ASXL2: variants seen among roughly 807,000 people sequenced by gnomAD.
The protein encoded by ASXL2 is ASXL transcriptional regulator 2.
In ASXL2, 23 loss-of-function variants were observed where a neutral mutation model predicts 122.0. The ratio of observed to expected loss-of-function variants is 0.19; its 90% CI spans 0.14 to 0.27. The LOEUF is 0.27. Among genes scored for constraint, ASXL2 ranks in the 10% least tolerant of loss-of-function variants. The pLI, the probability that ASXL2 is intolerant of heterozygous loss-of-function variation, is 1.00. For synonymous variants in ASXL2, 650 were observed against 637.0 expected (o/e 1.02, Z -0.31); for missense variants, 1,518 against 1,713.8 (o/e 0.89, Z 2.02).
At chr2:25,862,452 G>A (rs757499678) in intron 1 of ASXL2, among the ~76,000 whole-genome samples, 43 of 151,942 alleles carry the variant, frequency 2.8e-4, no homozygotes, top group African/African-American at 8.7e-4. Flanking sequence ...TACATTAGAC[G>A]GCCAAGATCT....
chr2:25,757,921 C>CAA (rs10524530), intron 9 of ASXL2, among the ~76,000 whole-genome samples: 3 of 127,352 alleles, frequency 2.4e-5, no homozygotes, highest in Non-Finnish European at 1.7e-5. Flanking sequence ...GAGTCTTTAA[C>CAA]AAAAAAAAAA....
intron 4 of ASXL2, among the ~76,000 whole-genome samples, chr2:25,802,542 A>G (rs1001113177): frequency 5.3e-5 from 8 of 152,124 alleles, no homozygotes; most frequent in African/African-American, 1.9e-4. Context: ...AGACCTCTGC[A>G]ATTTCCTGAG....
At chr2:25,848,776 T>G (rs1415226569) in intron 1 of ASXL2, among the ~76,000 whole-genome samples, 5 of 151,966 alleles carry the variant, frequency 3.3e-5, no homozygotes, top group African/African-American at 1.2e-4. Context: ...CCGGGCACCG[T>G]GACTCAGGCC....
At chr2:25,807,541 A>G (rs895767259) in intron 3 of ASXL2, among the ~76,000 whole-genome samples, 1 of 152,226 alleles carries the variant, frequency 6.6e-6, no homozygotes, top group African/African-American at 2.4e-5. Context: ...AAATGTATAT[A>G]ATGTAATTCC....
chr2:25,780,072 C>T (rs947250892), intron 5 of ASXL2, among the ~76,000 whole-genome samples: 9 of 152,284 alleles, frequency 5.9e-5, no homozygotes, highest in African/African-American at 2.2e-4. Flanking sequence ...ACCATGTTGG[C>T]CATCCTGATC....
intron 8 of ASXL2, among the ~76,000 whole-genome samples, chr2:25,761,318 G>C (rs1022465096): frequency 1.3e-5 from 2 of 152,118 alleles, no homozygotes; most frequent in African/African-American, 2.4e-5. Flanking sequence ...TAGTAAGAGT[G>C]TTTATCAAAG....
intron 1 of ASXL2, among the ~76,000 whole-genome samples, chr2:25,857,956 T>A (rs1389031451): frequency 6.6e-6 from 1 of 152,172 alleles, no homozygotes; most frequent in East Asian, 1.9e-4. Context: ...CACTGCAATC[T>A]CTATCTCCTG....
intron 5 of ASXL2, 63 bp from the exon 6 acceptor site, chr2:25,771,603 C>T: frequency 7.6e-7 from 1 of 1,315,958 alleles, no homozygotes; most frequent in Non-Finnish European, 1.1e-6. Flanking sequence ...ACCATTCCTT[C>T]CCCAATCATA....
At chr2:25,754,437 GAGA>G (rs1432896893) in intron 10 of ASXL2, among the ~76,000 whole-genome samples, 3 of 152,150 alleles carry the variant, frequency 2.0e-5, no homozygotes, top group Non-Finnish European at 2.9e-5. Flanking sequence ...TCCTGGGGGT[GAGA>G]AGAAGGAGAG....
chr2:25,813,792 T>A (rs112612812), intron 3 of ASXL2, among the ~76,000 whole-genome samples: 1 of 152,224 alleles, frequency 6.6e-6, no homozygotes, highest in Non-Finnish European at 1.5e-5. Flanking sequence ...GGCTCACGCC[T>A]GTAATCCCAG....
intron 3 of ASXL2, among the ~76,000 whole-genome samples, chr2:25,807,878 A>C (rs1186544275): frequency 6.6e-6 from 1 of 152,072 alleles, no homozygotes. Flanking sequence ...AGTACCCAAA[A>C]ATTTCCTGTG....
chr2:25,756,453 C>CAAAAAAAAAAA (rs554502367), intron 9 of ASXL2, among the ~76,000 whole-genome samples: 1 of 23,214 alleles, frequency 4.3e-5, no homozygotes, highest in African/African-American at 1.9e-4. Flanking sequence ...CAGATAATGA[C>CAAAAAAAAAAA]AAAAAAAAAA....
At chr2:25,831,302 C>CAA (rs943377385) in intron 3 of ASXL2, among the ~76,000 whole-genome samples, 29 of 62,472 alleles carry the variant, frequency 4.6e-4, no homozygotes, top group Admixed American at 9.0e-4. Flanking sequence ...GACTCCGTCT[C>CAA]AAAAAAAAAA....
At chr2:25,833,004 C>T (rs10182811) in intron 3 of ASXL2, among the ~76,000 whole-genome samples, 42,219 of 151,750 alleles carry the variant, frequency 0.28, 6,177 homozygotes, top group African/African-American at 0.33. Flanking sequence ...AAATGTAGGA[C>T]GGACTAGTAT....
intron 12 of ASXL2, among the ~76,000 whole-genome samples, chr2:25,746,097 C>G (rs1487008007): frequency 1.3e-5 from 2 of 152,114 alleles, no homozygotes; most frequent in Admixed American, 1.3e-4. Context: ...GAGCAAATAA[C>G]TGTTAAGATG....
intron 9 of ASXL2, among the ~76,000 whole-genome samples, 170 bp downstream of exon 9, chr2:25,759,312 T>C (rs925809750): frequency 1.3e-5 from 2 of 152,108 alleles, no homozygotes. Context: ...AATAATTCTG[T>C]CATCTTGAAA....
At chr2:25,857,568 T>G (rs563393318) in intron 1 of ASXL2, among the ~76,000 whole-genome samples, 1 of 152,326 alleles carries the variant, frequency 6.6e-6, no homozygotes, top group South Asian at 2.1e-4. Context: ...TCAGAATCTT[T>G]GCACCATCTA....
chr2:25,875,893 T>A (rs1407236400), intron 1 of ASXL2, among the ~76,000 whole-genome samples: 1 of 152,228 alleles, frequency 6.6e-6, no homozygotes, highest in Non-Finnish European at 1.5e-5. Context: ...GTCAACTCAC[T>A]AATTTTCTGA....
chr2:25,810,330 T>C lies in ASXL2; in HGVS notation c.144-3993A>G, dbSNP rs944831161. 3.2e-5 allele frequency: 21 copies of C among 659,156 alleles called. No homozygotes were observed. In the African/African-American group the frequency reaches 3.6e-4, roughly 11 times the overall value. 40.8% of individuals were successfully genotyped at this position (659,156 alleles called of 1,614,324 possible). The stretch of plus-strand genomic sequence containing the variant: ...CTATTCTGCAGTGTGTTTAGCTTCT[T>C]TGAGTTGGATTTCCTGGAATTCCAT... On this transcript the variant is annotated intron_variant, in intron 3 of 12. Transcript: ENST00000435504.
Sources: allele counts gnomAD v4.1 joint callset (sites outside exome capture counted in the v4.1 genomes callset), GRCh38; gene constraint gnomAD v4.1.1; transcripts MANE v1.5; gene names NCBI Gene and HGNC (gene_info 2026-07-23, HGNC 2026-07-21).